Variants in BEND5 observed in about 807,000 individuals in gnomAD.
BEND5 encodes the protein BEN domain containing 5, also known as BEN domain-containing protein 5.
Under a neutral mutation model 43.9 loss-of-function variants are expected in BEND5, and 22 were observed. That is an observed-to-expected ratio of 0.50 (90% confidence interval 0.36 to 0.72). The LOEUF is 0.72. Ranked by LOEUF, BEND5 falls within the 30% of genes least tolerant of loss-of-function variation. BEND5 has a pLI of 0.00. For missense variants in BEND5, 428 were observed against 550.6 expected (o/e 0.78, Z 2.23); for synonymous variants, 228 against 225.9 (o/e 1.01, Z -0.08).
At chr1:48,765,875 CA>C (rs1644503816) in intron 1 of BEND5, among the ~76,000 whole-genome samples, 1 of 152,044 alleles carries the variant, frequency 6.6e-6, no homozygotes, top group Admixed American at 6.6e-5. Flanking sequence ...TCCATAGAGA[CA>C]AAAAGTAGTT....
In BEND5 at chr1:48,736,355, A is replaced by G. The variant is rs1276155274; in HGVS notation, c.992T>C (p.Met331Thr). The stretch of plus-strand genomic sequence containing the variant: ...TTTCAGAACATCTGTTCCCCAAATC[A>G]TAACTGCCAAGTTCTTCGTGTACTT... ...DSKYTKNLAV[M>T]IWGTDVLKNR... Residue 331 changes from methionine (M) to threonine (T), a missense_variant, in exon 5 of 6, where the codon ATG (methionine) becomes ACG (threonine). By Grantham distance (81) the Met-to-Thr change is moderately conservative (BLOSUM62 -1). This residue lies in a region of BEND5 where 75 missense variants were observed against 148.5 expected (regional missense o/e 0.50). Coordinates refer to ENST00000371833, the MANE Select transcript of BEND5 (RefSeq NM_024603.4). This position sits in a 1 kb window ranked among gnomAD's most constrained non-coding sequence, Gnocchi z 4.0. 1 of 1,614,052 alleles carries G rather than the reference A, an allele frequency of 6.2e-7. No homozygotes were observed.
intron 5 of BEND5, among the ~76,000 whole-genome samples, chr1:48,729,814 T>C (rs555373909): frequency 1.3e-5 from 2 of 152,054 alleles, no homozygotes. Flanking sequence ...AAGCTTTTAA[T>C]TGACCTCGAC....
At chr1:48,742,827 T>G in intron 3 of BEND5, 56 bp from the exon 4 acceptor site, 1 of 1,424,168 alleles carries the variant, frequency 7.0e-7, no homozygotes. Flanking sequence ...AAAAGGCAAA[T>G]ATTTTTAACT....
At chr1:48,740,013 G>A (rs945671760) in intron 4 of BEND5, among the ~76,000 whole-genome samples, 2 of 152,174 alleles carry the variant, frequency 1.3e-5, no homozygotes, top group African/African-American at 4.8e-5. Context: ...AAGTGATAAG[G>A]GCTAGTCTGT....
At chr1:48,760,062 CA>C (rs1644173421) in intron 2 of BEND5, among the ~76,000 whole-genome samples, 1 of 152,220 alleles carries the variant, frequency 6.6e-6, no homozygotes, top group South Asian at 2.1e-4. Context: ...GAGATACAAA[CA>C]GAGCCAAAAC....
chr1:48,776,220 A>G (rs1388580872), intron 1 of BEND5, among the ~76,000 whole-genome samples: 1 of 152,182 alleles, frequency 6.6e-6, no homozygotes, highest in African/African-American at 2.4e-5. Context: ...AAAAGAACAG[A>G]GGGAAGGAAC....
intron 1 of BEND5, among the ~76,000 whole-genome samples, chr1:48,775,932 C>CT (rs1206690653): frequency 6.6e-6 from 1 of 152,206 alleles, no homozygotes; most frequent in East Asian, 1.9e-4. Context: ...GGTGTGGAGG[C>CT]TGAGGGATGC....
In BEND5 at chr1:48,760,290, C is replaced by T. The variant is rs948072334; in HGVS notation, c.361-1006G>A. On this transcript the variant is annotated intron_variant, in intron 2 of 5. Transcript: ENST00000371833. ...GATCAAATGAATTCTTCACTCAGGGCAGGAGGGTTAGGAGCTCTCCTGACT... is the reference window on the plus strand; with the variant it reads ...GATCAAATGAATTCTTCACTCAGGGTAGGAGGGTTAGGAGCTCTCCTGACT... 4.6e-5 allele frequency among the ~76,000 whole-genome samples: 7 copies of T among 152,290 alleles called. No homozygotes were observed. The South Asian group carries it at 1.5e-3, about 32-fold the overall frequency.
chr1:48,734,223 T>A (rs1453016036), intron 5 of BEND5, among the ~76,000 whole-genome samples: 2 of 152,184 alleles, frequency 1.3e-5, no homozygotes, highest in East Asian at 3.9e-4. Flanking sequence ...GGCAGCTATG[T>A]TACAGCAGAA....
chr1:48,740,830 A>G (rs1404331637), intron 4 of BEND5, among the ~76,000 whole-genome samples: 1 of 152,228 alleles, frequency 6.6e-6, no homozygotes, highest in Non-Finnish European at 1.5e-5. Flanking sequence ...TGTTCTGGGA[A>G]GCTGCCATCA....
At chr1:48,776,533 CCGGG>C in intron 1 of BEND5, 69 bp downstream of exon 1, 3 of 1,157,134 alleles carry the variant, frequency 2.6e-6, no homozygotes, top group African/African-American at 1.6e-5. Context: ...TCCCCTCCGC[CCGGG>C]CCCCCGGCCC....
At chr1:48,755,467 T>A (rs982745943) in intron 3 of BEND5, among the ~76,000 whole-genome samples, 1 of 151,970 alleles carries the variant, frequency 6.6e-6, no homozygotes, top group African/African-American at 2.4e-5. Context: ...GGACAAAAAA[T>A]GAAAATACTC....
At chr1:48,742,837 T>C in intron 3 of BEND5, 66 bp from the exon 4 acceptor site, 1 of 1,425,254 alleles carries the variant, frequency 7.0e-7, no homozygotes, top group Non-Finnish European at 9.3e-7. Context: ...TATTTTTAAC[T>C]AGGCATCTAT....
intron 3 of BEND5, among the ~76,000 whole-genome samples, chr1:48,753,875 C>T (rs1434710454): frequency 1.3e-5 from 2 of 152,170 alleles, no homozygotes; most frequent in East Asian, 1.9e-4. Context: ...TCATTTTTGC[C>T]TATATTCCCT....
At chr1:48,750,887 C>CT (rs1651623496) in intron 3 of BEND5, among the ~76,000 whole-genome samples, 1 of 152,078 alleles carries the variant, frequency 6.6e-6, no homozygotes, top group South Asian at 2.1e-4. Flanking sequence ...TCCTAGGACT[C>CT]TAAGAATTAC....
chr1:48,762,614 TTGTGTGTGTGTG>T (rs58396843), intron 1 of BEND5, among the ~76,000 whole-genome samples: 14 of 75,184 alleles, frequency 1.9e-4, no homozygotes, highest in Non-Finnish European at 3.0e-4. Flanking sequence ...TTTAAGGGTT[TTGTGTGTGTGTG>T]TGTGTGTGTG....
At chr1:48,735,825 G>C (rs1047045724) in intron 5 of BEND5, among the ~76,000 whole-genome samples, 1 of 151,682 alleles carries the variant, frequency 6.6e-6, no homozygotes, top group Non-Finnish European at 1.5e-5. Context: ...CCATGCCTTT[G>C]TTCAAGATGC....
intron 3 of BEND5, among the ~76,000 whole-genome samples, chr1:48,758,190 T>A (rs1318213299): frequency 1.3e-5 from 2 of 152,226 alleles, no homozygotes; most frequent in Non-Finnish European, 2.9e-5. Context: ...CCTAAGGTCA[T>A]GTGCCTCCCT....
chr1:48,759,693 CCAGGCCAAGTGATCCCAGAGGA>C (rs1644152892), intron 2 of BEND5, among the ~76,000 whole-genome samples: 2 of 152,150 alleles, frequency 1.3e-5, no homozygotes, highest in African/African-American at 4.8e-5. Flanking sequence ...AGAAATGAGG[CCAGGCCAAGTGATCCCAGAGGA>C]CTCACAAATG....
Sources: allele counts gnomAD v4.1 joint callset (sites outside exome capture counted in the v4.1 genomes callset), GRCh38; gene constraint gnomAD v4.1.1; regional missense constraint gnomAD v4.1.1; non-coding constraint Gnocchi (gnomAD v3.1); transcripts MANE v1.5; gene names NCBI Gene and HGNC (gene_info 2026-07-23, HGNC 2026-07-21).